Variants in KNG1 observed in about 807,000 individuals in gnomAD.
KNG1 encodes kininogen-1.
KNG1 carries 23 observed loss-of-function variants against 47.8 expected under a neutral mutation model. The observed-to-expected ratio is 0.48, with a 90% CI of 0.35 to 0.68. KNG1 has a LOEUF of 0.68. KNG1 is among the 30% of genes least tolerant of loss of function. The pLI is 0.01. For missense variants in KNG1, 762 were observed against 790.2 expected (o/e 0.96, Z 0.43); for synonymous variants, 277 against 277.0 (o/e 1.00, Z 0.00).
At position 186,731,583 on chromosome 3, in the gene KNG1, T is replaced by G. The variant is rs760423241; in HGVS notation, c.711T>G (p.Ile237Met). 1.7e-5 allele frequency: 27 copies of G among 1,612,216 alleles called. No homozygotes were observed. The South Asian group carries it at 2.9e-4, about 17-fold the overall frequency. The change falls in exon 6 of 10, where the codon ATT becomes ATG. Residue 237 changes from isoleucine (I) to methionine (M), a missense_variant. Transcript: ENST00000644859. ...GTACAGATAATGCATACATCGATAT[T>G]CAGCTACGAATTGCTTCCTTCTCAC... Reference protein sequence around the residue: ...GECTDNAYIDIQLRIASFSQN... With the variant: ...GECTDNAYIDMQLRIASFSQN...
Position 186,727,444 on chromosome 3 carries a change from T to A in KNG1, c.672+100T>A, listed in dbSNP as rs1463585207. The A allele has an allele frequency of 5.1e-6, 4 of 786,736 alleles. No homozygotes were observed. In the African/African-American group the frequency reaches 6.8e-5, roughly 13 times the overall value. The allele number at this position is 786,736 out of a possible 1,614,324, so 48.7% of individuals were successfully genotyped here. A position where few individuals can be genotyped will look rare whatever the true frequency, so the allele number is the denominator to read the frequency against. On this transcript the variant is annotated intron_variant, in intron 5 of 9. Coordinates refer to ENST00000644859, the MANE Select transcript of KNG1 (RefSeq NM_001102416.3). ...GGAAGACTGTCACGAAAAGTTTAGA[T>A]GACATTCAGCAATTCATATTCACAT...
At chr3:186,723,070 C>T (rs1217971527) in intron 3 of KNG1, among the ~76,000 whole-genome samples, 2 of 152,114 alleles carry the variant, frequency 1.3e-5, no homozygotes, top group Non-Finnish European at 2.9e-5. Flanking sequence ...ATATTGAGTC[C>T]TTATGTCCCA....
At chr3:186,739,252 G>A in intron 8 of KNG1, 46 bp downstream of exon 8, 1 of 1,582,736 alleles carries the variant, frequency 6.3e-7, no homozygotes, top group African/African-American at 1.3e-5. Flanking sequence ...AAGCCTATTT[G>A]ATGTTTTTAG....
chr3:186,729,973 ATTC>A (rs1299078111), intron 5 of KNG1, among the ~76,000 whole-genome samples: 1 of 152,056 alleles, frequency 6.6e-6, no homozygotes, highest in Non-Finnish European at 1.5e-5. Flanking sequence ...TTTGTTTATT[ATTC>A]TTTTTTCCCC....
At chr3:186,728,004 T>G (rs767577565) in intron 5 of KNG1, among the ~76,000 whole-genome samples, 9 of 152,182 alleles carry the variant, frequency 5.9e-5, no homozygotes, top group Non-Finnish European at 1.2e-4. Context: ...GCCCATATGG[T>G]GTTCCCTTGC....
intron 4 of KNG1, among the ~76,000 whole-genome samples, chr3:186,726,048 A>G (rs1435300872): frequency 1.3e-5 from 2 of 151,746 alleles, no homozygotes; most frequent in Non-Finnish European, 1.5e-5. Context: ...CTCCTGCCTC[A>G]GCCTCCCAAG....
chr3:186,742,969 G>T lies in KNG1; in HGVS notation c.*638G>T. 1 of 983,576 alleles carries T rather than the reference G, an allele frequency of 1.0e-6. No homozygotes were observed. The highest frequency in any genetic ancestry group is 1.2e-6 in the Non-Finnish European group (1 of 828,336). 60.9% of individuals were successfully genotyped at this position (983,576 alleles called of 1,614,324 possible). A position where few individuals can be genotyped will look rare whatever the true frequency, so the allele number is the denominator to read the frequency against. On this transcript the variant is annotated 3_prime_UTR_variant, in exon 10 of 10. Coordinates refer to ENST00000644859, the MANE Select transcript of KNG1 (RefSeq NM_001102416.3). ...AAAGAAGACAGGTTGGCCAAAGGGA[G>T]GAAAGGGGGGACATAAATTAATTGA...
At chr3:186,735,511 G>A (rs552906814) in intron 7 of KNG1, among the ~76,000 whole-genome samples, 4 of 152,084 alleles carry the variant, frequency 2.6e-5, no homozygotes, top group East Asian at 1.9e-4. Flanking sequence ...CCAGCTACTC[G>A]GGAGGCTGAG....
chr3:186,736,102 T>C (rs1288469339), intron 7 of KNG1: 1 of 152,242 alleles, frequency 6.6e-6, no homozygotes, highest in African/African-American at 2.4e-5. Context: ...CATTCTAGTA[T>C]GCATATGTGT....
chr3:186,730,713 TATAC>T (rs1234302252), intron 5 of KNG1, among the ~76,000 whole-genome samples: 40 of 110,644 alleles, frequency 3.6e-4, no homozygotes, highest in African/African-American at 1.4e-3. Context: ...TATATATATA[TATAC>T]ACACACACAC....
Position 186,726,274 on chromosome 3 carries a change from CTTTTT to C in KNG1, c.565-947_565-943del, listed in dbSNP as rs774226752. 1.1e-4 allele frequency among the ~76,000 whole-genome samples: 13 copies of C among 113,750 alleles called. No individual in the cohort carries two copies. The East Asian group carries it at 2.7e-3, about 24-fold the overall frequency. 74.6% of individuals were successfully genotyped at this position (113,750 alleles called of 152,430 possible). On this transcript the variant is annotated intron_variant, in intron 4 of 9. Coordinates refer to ENST00000644859, the MANE Select transcript of KNG1 (RefSeq NM_001102416.3). Reference sequence around the variant, plus strand: ...GATTCAGTACACCCAGACTTTTCTTCTTTTTTTTTTTTTTTTTTTTGTTTTTTGAG... The same window carrying C: ...GATTCAGTACACCCAGACTTTTCTTCTTTTTTTTTTTTTTTGTTTTTTGAG...
rs1720403488 is a variant in KNG1 at position 186,727,336 on chromosome 3, T to C, written c.664T>C (p.Trp222Arg). The C allele has an allele frequency of 1.2e-6, 2 of 1,606,182 alleles. No homozygotes were observed. Among genetic ancestry groups the C allele is most frequent in the East Asian group, 4.5e-5 (2 of 44,818 alleles). The change falls in exon 5 of 10, where the codon TGG (tryptophan) becomes CGG (arginine). Residue 222 changes from tryptophan to arginine, a missense_variant. Transcript: ENST00000644859. ...CTTAACTCCAGACTGCAAGTCCCTT[T>C]GGAATGGTGTAAGTAGGCAAAAATT... is the stretch of plus-strand genomic sequence containing the variant. Reference protein sequence around the residue: ...LFLTPDCKSLWNGDTGECTDN... With the variant: ...LFLTPDCKSLRNGDTGECTDN...
Position 186,742,223 on chromosome 3 carries a change from G to C in KNG1, c.1827G>C (p.Thr609=). 1 of 1,614,056 alleles carries C rather than the reference G, an allele frequency of 6.2e-7. No homozygotes were observed. The highest frequency in any genetic ancestry group is 8.5e-7 in the Non-Finnish European group (1 of 1,180,006). Residue 609 remains threonine (T), a synonymous_variant, in exon 10 of 10, where the codon ACG becomes ACC. Transcript: ENST00000644859. ...ACCCAATATCAGATTTTCCAGACAC[G>C]ACCTCCCCAAAATGTCCTGGACGCC... ...SFNPISDFPD[T]TSPKCPGRPW... is the part of the protein sequence containing the mutation.
intron 5 of KNG1, chr3:186,728,936 A>G (rs1370259055): frequency 6.6e-6 from 1 of 152,210 alleles, no homozygotes; most frequent in African/African-American, 2.4e-5. Context: ...TACAGGTGTA[A>G]GCCACTGCAT....
Position 186,720,205 on chromosome 3 carries a change from C to T in KNG1, c.296C>T (p.Ala99Val). 1.2e-6 allele frequency: 2 copies of T among 1,607,528 alleles called. No homozygotes were observed. Among genetic ancestry groups the T allele is most frequent in the South Asian group, 2.2e-5 (2 of 90,940 alleles). Residue 99 changes from alanine to valine, a missense_variant, in exon 2 of 10, where the codon GCT (alanine) becomes GTT (valine). Coordinates refer to ENST00000644859, the MANE Select transcript of KNG1 (RefSeq NM_001102416.3). Reference sequence around the variant, plus strand: ...TGGCAGGACTGTGAGTACAAGGATGCTGCAAAAGCAGTAAGTGTATTGGCC... The same window carrying T: ...TGGCAGGACTGTGAGTACAAGGATGTTGCAAAAGCAGTAAGTGTATTGGCC... ...KTWQDCEYKD[A>V]AKAATGECTA...
At chr3:186,735,128 C>T (rs5030060) in intron 7 of KNG1, among the ~76,000 whole-genome samples, 35,613 of 152,066 alleles carry the variant, frequency 0.23, 5,213 homozygotes, top group Middle Eastern at 0.36. Context: ...TCAGCTTTAA[C>T]TTCTCACTTT....
At chr3:186,725,562 T>TTTTTTTTTTTTTTTTTTA (rs1720339476) in intron 4 of KNG1, among the ~76,000 whole-genome samples, 1 of 142,732 alleles carries the variant, frequency 7.0e-6, no homozygotes, top group African/African-American at 2.6e-5. Context: ...TTTTTTTTTT[T>TTTTTTTTTTTTTTTTTTA]GAGACAGAGT....
At position 186,741,627 on chromosome 3, in the gene KNG1, C is replaced by A; in HGVS notation, c.1231C>A (p.Pro411Thr). The A allele has an allele frequency of 6.2e-7, 1 of 1,613,976 alleles. No individual in the cohort carries two copies. The highest frequency in any genetic ancestry group is 1.1e-5 in the South Asian group (1 of 91,014). ...TVSPPHTSMA[P>T]AQDEERDSGK... ...AAGTCCACCCCACACTTCCATGGCA[C>A]CTGCACAAGATGAAGAGCGGGATTC... Residue 411 changes from proline (P) to threonine (T), a missense_variant, in exon 10 of 10, where the codon CCT (proline) becomes ACT (threonine). Coordinates refer to ENST00000644859, the MANE Select transcript of KNG1 (RefSeq NM_001102416.3).
intron 7 of KNG1, among the ~76,000 whole-genome samples, chr3:186,737,908 T>C (rs1466273200): frequency 1.3e-5 from 2 of 151,830 alleles, no homozygotes; most frequent in Non-Finnish European, 2.9e-5. Context: ...GGTTGAGAAA[T>C]TGGGCCACAA....
Sources: allele counts gnomAD v4.1 joint callset (sites outside exome capture counted in the v4.1 genomes callset), GRCh38; gene constraint gnomAD v4.1.1; transcripts MANE v1.5; gene names NCBI Gene and HGNC (gene_info 2026-07-23, HGNC 2026-07-21).